The following TBC1D14 variants were observed in gnomAD, a reference collection of about 807,000 sequenced individuals.
TBC1D14 encodes the protein TBC1 domain family, member 14.
TBC1D14 carries 26 observed loss-of-function variants against 79.0 expected under a neutral mutation model. That is an observed-to-expected ratio of 0.33 (90% CI 0.24 to 0.46). The LOEUF (loss-of-function observed/expected upper bound fraction) is 0.46, where lower values mean the gene tolerates loss of function less well. Among genes scored for constraint, TBC1D14 ranks in the 20% least tolerant of loss-of-function variants. The probability of loss-of-function intolerance (pLI) is 1.00; values close to 1 mark genes in which losing one functional copy is unlikely to be tolerated. For missense variants in TBC1D14, 769 were observed against 887.6 expected, an observed-to-expected ratio of 0.87 and a Z score of 1.70; for synonymous variants, 394 against 349.9, an observed-to-expected ratio of 1.13 and a Z score of -1.40.
At chr4:6,978,158 A>AT (rs1716984885) in intron 3 of TBC1D14, among the ~76,000 whole-genome samples, 1 of 147,832 alleles carries the variant, frequency 6.8e-6, no homozygotes, top group Non-Finnish European at 1.5e-5. Flanking sequence ...CCCGTCCGGG[A>AT]GGTGAGGGGC....
chr4:6,992,130 A>C (rs1718563822), intron 3 of TBC1D14, among the ~76,000 whole-genome samples: 1 of 152,140 alleles, frequency 6.6e-6, no homozygotes. Flanking sequence ...CCAGCAGCCC[A>C]CTCAGGGTGA....
At chr4:7,015,745 A>G (rs1276836526) in intron 12 of TBC1D14, among the ~76,000 whole-genome samples, 1 of 152,064 alleles carries the variant, frequency 6.6e-6, no homozygotes, top group Non-Finnish European at 1.5e-5. Flanking sequence ...AGCTTCTCCC[A>G]TTATTGCCTT....
At chr4:6,980,876 C>A (rs1393503402) in intron 3 of TBC1D14, among the ~76,000 whole-genome samples, 2 of 151,904 alleles carry the variant, frequency 1.3e-5, no homozygotes, top group African/African-American at 4.8e-5. Flanking sequence ...CCACCACGCC[C>A]GGCTAATTTT....
intron 7 of TBC1D14, 91 bp from the exon 8 acceptor site, chr4:7,004,753 A>T: frequency 8.5e-7 from 1 of 1,173,214 alleles, no homozygotes; most frequent in Non-Finnish European, 1.3e-6. Flanking sequence ...AGTTGAACTT[A>T]AGTATTTGGA....
rs569814486 is a variant in TBC1D14 at position 7,006,972 on chromosome 4, A to G, written c.1446+246A>G. Among the ~76,000 whole-genome samples the G allele has an allele frequency of 9.9e-5, 15 of 152,234 alleles. No individual in the cohort carries two copies. The East Asian group carries it at 1.9e-3, about 20-fold the overall frequency. Reference sequence around the variant, plus strand: ...CAATTCTGTCTTCCTCTTGAGATACATGTCTCGGGGCCCCTGTAGGTCTGG... The same window carrying G: ...CAATTCTGTCTTCCTCTTGAGATACGTGTCTCGGGGCCCCTGTAGGTCTGG... On this transcript the variant is annotated intron_variant, in intron 9 of 13. Coordinates refer to ENST00000409757, the MANE Select transcript of TBC1D14 (RefSeq NM_020773.3).
At chr4:7,010,807 T>C (rs780963257) in intron 11 of TBC1D14, 26 bp downstream of exon 11, 5 of 1,607,110 alleles carry the variant, frequency 3.1e-6, no homozygotes, top group Middle Eastern at 1.7e-4. Flanking sequence ...GTTCGGGCCC[T>C]GGGTACTGTG....
chr4:6,988,045 C>T (rs767953735), intron 3 of TBC1D14, among the ~76,000 whole-genome samples: 31 of 152,330 alleles, frequency 2.0e-4, no homozygotes, highest in Admixed American at 4.6e-4. Context: ...ACTGTGAGGT[C>T]AGGCTTCAGG....
intron 13 of TBC1D14, among the ~76,000 whole-genome samples, chr4:7,027,104 G>T (rs1476877299): frequency 1.3e-5 from 2 of 151,918 alleles, no homozygotes. Context: ...CCAGCTACTC[G>T]GGAGGCTGAG....
intron 10 of TBC1D14, among the ~76,000 whole-genome samples, chr4:7,010,313 A>T (rs531854879): frequency 1.4e-3 from 209 of 152,334 alleles, no homozygotes; most frequent in Middle Eastern, 3.4e-3. Flanking sequence ...GTTTGATATT[A>T]AGCTTATTGA....
intron 5 of TBC1D14, among the ~76,000 whole-genome samples, chr4:6,998,446 G>A (rs1256862646): frequency 6.6e-6 from 1 of 152,140 alleles, no homozygotes; most frequent in Non-Finnish European, 1.5e-5. Flanking sequence ...GAGCACAGGA[G>A]GGACTTCCAG....
chr4:7,013,333 C>G (rs563447398), intron 11 of TBC1D14, among the ~76,000 whole-genome samples: 25 of 152,334 alleles, frequency 1.6e-4, no homozygotes, highest in African/African-American at 6.0e-4. Context: ...GAGACCAAAT[C>G]ACTCCCTTTT....
At chr4:7,019,376 T>C (rs113540576) in intron 12 of TBC1D14, among the ~76,000 whole-genome samples, 1,813 of 152,062 alleles carry the variant, frequency 0.012, 34 homozygotes, top group African/African-American at 0.041. Context: ...GAGGTTTCCG[T>C]TTCTGCTGCC....
At chr4:6,928,293 C>T (rs1022477395) in intron 2 of TBC1D14, among the ~76,000 whole-genome samples, 1 of 152,114 alleles carries the variant, frequency 6.6e-6, no homozygotes, top group East Asian at 1.9e-4. Context: ...TGGATTTTTC[C>T]GGACCACTTC....
At chr4:6,928,996 A>C (rs1227298706) in intron 2 of TBC1D14, among the ~76,000 whole-genome samples, 3 of 152,188 alleles carry the variant, frequency 2.0e-5, no homozygotes, top group African/African-American at 7.2e-5. Context: ...GGAACATTGT[A>C]ACTATGCCTT....
intron 6 of TBC1D14, among the ~76,000 whole-genome samples, chr4:6,999,715 G>A (rs1180987927): frequency 6.6e-6 from 1 of 152,024 alleles, no homozygotes; most frequent in African/African-American, 2.4e-5. Context: ...AAACTCCTGT[G>A]TGCTCTCCAA....
chr4:6,964,047 C>G (rs916687002), intron 2 of TBC1D14, among the ~76,000 whole-genome samples: 1 of 152,198 alleles, frequency 6.6e-6, no homozygotes, highest in Non-Finnish European at 1.5e-5. Context: ...CCACCCACCT[C>G]GGCCTCCCAA....
At chr4:7,026,262 G>A (rs565860963) in intron 13 of TBC1D14, among the ~76,000 whole-genome samples, 1 of 152,244 alleles carries the variant, frequency 6.6e-6, no homozygotes, top group Admixed American at 6.5e-5. Context: ...TGGAAGCGCA[G>A]CGGCTGTTGG....
intron 2 of TBC1D14, among the ~76,000 whole-genome samples, chr4:6,947,497 C>A (rs1713593405): frequency 7.2e-6 from 1 of 139,852 alleles, no homozygotes; most frequent in Non-Finnish European, 1.6e-5. Context: ...GACCCTGTCT[C>A]AAAAAAAAAA....
chr4:6,961,251 C>T (rs1408657263), intron 2 of TBC1D14, among the ~76,000 whole-genome samples: 1 of 152,126 alleles, frequency 6.6e-6, no homozygotes, highest in Admixed American at 6.5e-5. Flanking sequence ...TGATCCCTGA[C>T]GGCCCCCAGC....
Sources: gnomAD v4.1 joint callset for allele counts (sites outside exome capture counted in the v4.1 genomes callset) on GRCh38, gnomAD v4.1.1 for gene constraint, MANE v1.5 for transcripts, NCBI Gene and HGNC (gene_info 2026-07-23, HGNC 2026-07-21) for gene names.